The following CD3E variants were observed in gnomAD, a reference collection of about 807,000 sequenced individuals.
The protein encoded by CD3E is T-cell surface glycoprotein CD3 epsilon chain.
A neutral mutation model predicts 34.7 loss-of-function variants in CD3E; 16 were observed. The ratio of observed to expected loss-of-function variants is 0.46; its 90% confidence interval spans 0.31 to 0.70. The LOEUF (loss-of-function observed/expected upper bound fraction) is 0.70. Ranked by LOEUF, CD3E falls within the 30% of genes least tolerant of loss-of-function variation. CD3E has a pLI of 0.05. For missense variants in CD3E, 223 were observed against 253.9 expected (o/e 0.88, Z 0.83); for synonymous variants, 70 against 90.8 (o/e 0.77, Z 1.30).
rs1948164147 is a variant in CD3E at position 118,315,913 on chromosome 11, CT to C, written c.*375del. On this transcript the variant is annotated 3_prime_UTR_variant, in exon 9 of 9. Coordinates refer to ENST00000361763, the MANE Select transcript of CD3E (RefSeq NM_000733.4). The stretch of plus-strand genomic sequence containing the variant: ...CCCCCATCCCAAAGTATTCCATCTA[CT>C]TTTCTATCGCCGTCCCCTTTTGCAG... 1 of 361,542 alleles carries C rather than the reference CT, an allele frequency of 2.8e-6. No homozygotes were observed. The highest frequency in any genetic ancestry group is 2.8e-5 in the South Asian group (1 of 35,796). The allele number at this position is 361,542 out of a possible 1,614,324, so 22.4% of individuals were successfully genotyped here. A position where few individuals can be genotyped will look rare whatever the true frequency, so the allele number is the denominator to read the frequency against.
intron 4 of CD3E, 57 bp downstream of exon 4, chr11:118,308,498 A>C: frequency 3.8e-5 from 41 of 1,081,906 alleles, no homozygotes; most frequent in Non-Finnish European, 5.3e-5. Context: ...TGAAATGCTC[A>C]TAGAGTACAA....
chr11:118,308,469 A>G, intron 4 of CD3E, 28 bp downstream of exon 4: 6 of 1,472,444 alleles, frequency 4.1e-6, no homozygotes, highest in Non-Finnish European at 4.7e-6. Context: ...CTATCTAGCA[A>G]AAGTTTTCAA....
chr11:118,306,734 C>T (rs1425279078), intron 2 of CD3E, among the ~76,000 whole-genome samples: 1 of 152,072 alleles, frequency 6.6e-6, no homozygotes, highest in Non-Finnish European at 1.5e-5. Flanking sequence ...TGAGTGAGGG[C>T]ATCCTGGAGG....
In CD3E at chr11:118,314,588, G is replaced by T; in HGVS notation, c.567+94G>T. ...GGATGGCCCATCTTGTCTGCCAGAT[G>T]CCTCAAAGCCCCTCACTCAGGGCTT... On this transcript the variant is annotated intron_variant, in intron 8 of 8. Coordinates refer to ENST00000361763, the MANE Select transcript of CD3E (RefSeq NM_000733.4). 5 of 1,144,252 alleles carry T rather than the reference G, an allele frequency of 4.4e-6. No individual in the cohort carries two copies. In the Admixed American group the frequency reaches 7.5e-5, roughly 17 times the overall value. 70.9% of individuals were successfully genotyped at this position (1,144,252 alleles called of 1,614,324 possible).
intron 5 of CD3E, 134 bp downstream of exon 5, chr11:118,312,304 G>T (rs766718293): frequency 1.2e-5 from 11 of 922,616 alleles, no homozygotes; most frequent in Non-Finnish European, 1.8e-5. Flanking sequence ...CTCCATTTTA[G>T]AAAGGTTCCA....
At position 118,307,794 on chromosome 11, in the gene CD3E, G is replaced by A. The variant is rs184703850; in HGVS notation, c.70+486G>A. ...CTGAACTTACTCTCTCAACCACAGC[G>A]GTAGAGTCAGGAGTGTTCCAACATT... On this transcript the variant is annotated intron_variant, in intron 3 of 8. Transcript: ENST00000361763. Among the ~76,000 whole-genome samples, 24 of 152,268 alleles carry A rather than the reference G, an allele frequency of 1.6e-4. No homozygotes were observed. In the East Asian group the frequency reaches 4.0e-3, roughly 26 times the overall value.
At position 118,313,704 on chromosome 11, in the gene CD3E, C is replaced by T. The variant is rs768072020; in HGVS notation, c.353-3C>T. The T allele has an allele frequency of 1.2e-6, 2 of 1,613,880 alleles. No homozygotes were observed. Among genetic ancestry groups the T allele is most frequent in the South Asian group, 2.2e-5 (2 of 91,070 alleles). Reference sequence around the variant, plus strand: ...TCCCCTCTCCCCACCCCACCCCCCACAGTGTGTGAGAACTGCATGGAGATG... The same window carrying T: ...TCCCCTCTCCCCACCCCACCCCCCATAGTGTGTGAGAACTGCATGGAGATG... On this transcript the variant is annotated splice_region_variant and splice_polypyrimidine_tract_variant and intron_variant, in intron 6 of 8. Coordinates refer to ENST00000361763, the MANE Select transcript of CD3E (RefSeq NM_000733.4).
At position 118,311,741 on chromosome 11, in the gene CD3E, TG is replaced by T. The variant is rs532809017; in HGVS notation, c.86-410del. Reference sequence around the variant, plus strand: ...CCTTCTGACAAGCAAATCTAAGACCTGGATGACAGATGACTTCCTGCATTTG... The same window carrying T: ...CCTTCTGACAAGCAAATCTAAGACCTGATGACAGATGACTTCCTGCATTTG... On this transcript the variant is annotated intron_variant, in intron 4 of 8. Coordinates refer to ENST00000361763, the MANE Select transcript of CD3E (RefSeq NM_000733.4). Among the ~76,000 whole-genome samples the T allele has an allele frequency of 1.5e-3, 226 of 152,326 alleles. 1 individual carries two copies. Among genetic ancestry groups the T allele is most frequent in the African/African-American group, 5.1e-3 (213 of 41,572 alleles).
intron 2 of CD3E, 104 bp from the exon 3 acceptor site, chr11:118,307,184 C>A: frequency 1.2e-6 from 1 of 835,768 alleles, no homozygotes; most frequent in Non-Finnish European, 2.0e-6. Flanking sequence ...GGAAGGACAT[C>A]AGATGTCATC....
Position 118,313,491 on chromosome 11 carries a change from C to A in CD3E, c.353-216C>A, listed in dbSNP as rs916333633. ...CAGCTAGTGAGTAATAAAGCTGGGA[C>A]TCAAACCCAGGGCTGTTTGACTCCA... On this transcript the variant is annotated intron_variant, in intron 6 of 8. Transcript: ENST00000361763. 3 of 585,468 alleles carry A rather than the reference C, an allele frequency of 5.1e-6. No homozygotes were observed. In the East Asian group the frequency reaches 9.0e-5, roughly 18 times the overall value. 36.3% of individuals were successfully genotyped at this position (585,468 alleles called of 1,614,324 possible).
At chr11:118,310,755 G>A (rs113231013) in intron 4 of CD3E, among the ~76,000 whole-genome samples, 1 of 152,078 alleles carries the variant, frequency 6.6e-6, no homozygotes, top group Non-Finnish European at 1.5e-5. Context: ...CTTTATTTAT[G>A]ATTTCTAGTT....
rs765977907 is a variant in CD3E, at chr11:118,315,479, C to A, written c.568-7C>A. On this transcript the variant is annotated splice_polypyrimidine_tract_variant and splice_region_variant and intron_variant, in intron 8 of 8. Transcript: ENST00000361763. ...CACTGACCGCCCCCTCTCTATTTCA[C>A]CCCCAGCCCATCCGGAAAGGCCAGC... 5 of 1,612,578 alleles carry A rather than the reference C, an allele frequency of 3.1e-6. No individual in the cohort carries two copies. In the Admixed American group the frequency reaches 6.7e-5, roughly 22 times the overall value.
At position 118,312,159 on chromosome 11, in the gene CD3E, T is replaced by C; in HGVS notation, c.92T>C (p.Ile31Thr). ...GQDGNEEMGG[I>T]TQTPYKVSIS... Reference sequence around the variant, plus strand: ...TTCCTTTTTTCATTTTCAGGTGGTATTACACAGACACGTGAGTTTATTGGT... The same window carrying C: ...TTCCTTTTTTCATTTTCAGGTGGTACTACACAGACACGTGAGTTTATTGGT... The change falls in exon 5 of 9, where the codon ATT (isoleucine) becomes ACT (threonine). Residue 31 changes from isoleucine (I) to threonine (T), a missense_variant. Coordinates refer to ENST00000361763, the MANE Select transcript of CD3E (RefSeq NM_000733.4). 1 of 1,612,164 alleles carries C rather than the reference T, an allele frequency of 6.2e-7. No homozygotes were observed. The highest frequency in any genetic ancestry group is 1.1e-5 in the South Asian group (1 of 91,042).
chr11:118,309,753 T>C (rs2134763986), intron 4 of CD3E, among the ~76,000 whole-genome samples: 1 of 152,342 alleles, frequency 6.6e-6, no homozygotes, highest in East Asian at 1.9e-4. Context: ...ACTGTACAGT[T>C]AAGGAAACAA....
At chr11:118,307,851 AC>A (rs1210186935) in intron 3 of CD3E, among the ~76,000 whole-genome samples, 5 of 152,310 alleles carry the variant, frequency 3.3e-5, no homozygotes, top group African/African-American at 9.6e-5. Context: ...GCTCTTCCAA[AC>A]TGAGTGAACC....
At chr11:118,306,256 G>C (rs1948104651) in intron 2 of CD3E, among the ~76,000 whole-genome samples, 2 of 152,028 alleles carry the variant, frequency 1.3e-5, no homozygotes, top group South Asian at 4.1e-4. Flanking sequence ...AGCATTTTGG[G>C]GGACCAAAGT....
intron 2 of CD3E, among the ~76,000 whole-genome samples, chr11:118,306,665 C>T (rs890441428): frequency 4.6e-5 from 7 of 152,030 alleles, no homozygotes; most frequent in African/African-American, 1.7e-4. Flanking sequence ...CCTAGGTGTG[C>T]AGAAAGCTTT....
rs1056010323 is a variant in CD3E at position 118,308,330 on chromosome 11, TAA to T, written c.71-96_71-95del. On this transcript the variant is annotated intron_variant, in intron 3 of 8. Coordinates refer to ENST00000361763, the MANE Select transcript of CD3E (RefSeq NM_000733.4). ...GGGAATTGGAAGATCCATTGTTTCC[TAA>T]GAGTTGAGGGAAGAGTCCCAACCCA... 4.7e-6 allele frequency: 4 copies of T among 846,596 alleles called. No individual in the cohort carries two copies. The African/African-American group carries it at 6.6e-5, about 14-fold the overall frequency. The allele number at this position is 846,596 out of a possible 1,614,324, so 52.4% of individuals were successfully genotyped here.
At chr11:118,304,813 C>T in intron 1 of CD3E, 37 bp downstream of exon 1, 1 of 793,196 alleles carries the variant, frequency 1.3e-6, no homozygotes, top group Non-Finnish European at 2.3e-6. Context: ...CTTTTTCATC[C>T]TAGCATTGGG....
Sources: allele counts gnomAD v4.1 joint callset (sites outside exome capture counted in the v4.1 genomes callset), GRCh38; gene constraint gnomAD v4.1.1; transcripts MANE v1.5; gene names NCBI Gene and HGNC (gene_info 2026-07-23, HGNC 2026-07-21).